The following ESF1 variants were observed in gnomAD, a reference collection of about 807,000 sequenced individuals.
ESF1 encodes the protein ESF1 homolog.
A neutral mutation model predicts 92.0 loss-of-function variants in ESF1; 58 were observed. That is an observed-to-expected ratio of 0.63 (90% CI 0.51 to 0.78). The LOEUF is 0.78. Among genes scored for constraint, ESF1 ranks in the 30% least tolerant of loss-of-function variants. The probability of loss-of-function intolerance (pLI) is 0.00; values close to 1 mark genes in which losing one functional copy is unlikely to be tolerated. For synonymous variants in ESF1, 321 were observed against 313.7 expected, an observed-to-expected ratio of 1.02 and a Z score of -0.24; for missense variants, 922 against 989.1, an observed-to-expected ratio of 0.93 and a Z score of 0.91.
Position 13,776,131 on chromosome 20 carries a change from A to G in ESF1, c.777T>C (p.Ile259=). The G allele has an allele frequency of 6.2e-7, 1 of 1,613,878 alleles. No individual in the cohort carries two copies. The highest frequency in any genetic ancestry group is 1.1e-5 in the South Asian group (1 of 91,070). The part of the protein sequence containing the change: ...IGSDEESENE[I]TSVGRASGDD... ...CACCTGAAGCTCTACCAACACTTGTAATTTCATTTTCAGATTCCTCATCAC... is the reference window on the plus strand; with the variant it reads ...CACCTGAAGCTCTACCAACACTTGTGATTTCATTTTCAGATTCCTCATCAC... Residue 259 remains isoleucine, a synonymous_variant, in exon 3 of 14, where the codon ATT becomes ATC. Transcript: ENST00000617257.
At chr20:13,738,633 T>G (rs183363621) in intron 9 of ESF1, among the ~76,000 whole-genome samples, 160 of 152,254 alleles carry the variant, frequency 1.1e-3, no homozygotes, top group Non-Finnish European at 2.0e-3. Context: ...ACTCTTACAG[T>G]ACTATGGTCT....
chr20:13,755,433 T>C (rs907193904), intron 9 of ESF1, among the ~76,000 whole-genome samples: 1 of 152,202 alleles, frequency 6.6e-6, no homozygotes. Context: ...GGAAGTTATA[T>C]AAAGAGTTAA....
chr20:13,768,928 G>GGGAGAA (rs1466689239), intron 7 of ESF1, among the ~76,000 whole-genome samples: 1 of 149,622 alleles, frequency 6.7e-6, no homozygotes, highest in African/African-American at 2.5e-5. Flanking sequence ...GAAAGGAAAA[G>GGGAGAA]GGAGAAGGTA....
At position 13,782,814 on chromosome 20, in the gene ESF1, A is replaced by AT. The variant is rs1389473727; in HGVS notation, c.326dup (p.Asn109LysfsTer4). ...TGGTTTCTTTCTTTTTCTCAACTAG[A>AT]TTTTTTGAATCGATTTCTTTTTTAG... On this transcript the variant is annotated frameshift_variant, in exon 2 of 14. Transcript: ENST00000617257. LOFTEE classifies it high-confidence loss of function. 20 of 1,603,494 alleles carry AT rather than the reference A, an allele frequency of 1.2e-5. No individual in the cohort carries two copies. Among genetic ancestry groups the AT allele is most frequent in the Non-Finnish European group, 1.6e-5 (19 of 1,177,802 alleles).
At position 13,759,868 on chromosome 20, in the gene ESF1, A is replaced by G. The variant is rs1458832667; in HGVS notation, c.1667-15T>C. ...TCCATCATCACCTAATGAAAAAAAAATTCACTTAATACACAGAAACAATTC... is the reference window on the plus strand; with the variant it reads ...TCCATCATCACCTAATGAAAAAAAAGTTCACTTAATACACAGAAACAATTC... On this transcript the variant is annotated splice_polypyrimidine_tract_variant and intron_variant, in intron 8 of 13. Coordinates refer to ENST00000617257, the MANE Select transcript of ESF1 (RefSeq NM_001276380.2). The G allele has an allele frequency of 6.3e-7, 1 of 1,576,724 alleles. No individual in the cohort carries two copies. Among genetic ancestry groups the G allele is most frequent in the Admixed American group, 2.0e-5 (1 of 51,212 alleles).
At chr20:13,749,514 T>C (rs892195822) in intron 9 of ESF1, among the ~76,000 whole-genome samples, 1 of 152,130 alleles carries the variant, frequency 6.6e-6, no homozygotes, top group Non-Finnish European at 1.5e-5. Flanking sequence ...ATTTTACAGA[T>C]AAAAGTTTTC....
intron 13 of ESF1, among the ~76,000 whole-genome samples, chr20:13,716,804 A>ATATTTTTTTTTT: frequency 2.2e-5 from 1 of 45,918 alleles, no homozygotes. Context: ...CTATACCTGG[A>ATATTTTTTTTTT]TTTTTTTTTT....
At chr20:13,761,295 G>C (rs949733330) in intron 8 of ESF1, among the ~76,000 whole-genome samples, 1 of 151,106 alleles carries the variant, frequency 6.6e-6, no homozygotes, top group Non-Finnish European at 1.5e-5. Flanking sequence ...TTGTTCACTT[G>C]TTTATCTGCT....
chr20:13,775,870 T>C lies in ESF1; in HGVS notation c.1035+3A>G. ...AAATAATCTTGTTTATTCAAAAGGT[T>C]ACCTCATCAGCACGAGGAGCATCTT... On this transcript the variant is annotated splice_donor_region_variant and intron_variant, in intron 3 of 13. Transcript: ENST00000617257. 1 of 1,591,788 alleles carries C rather than the reference T, an allele frequency of 6.3e-7. No individual in the cohort carries two copies. Among genetic ancestry groups the C allele is most frequent in the Non-Finnish European group, 8.5e-7 (1 of 1,170,266 alleles).
chr20:13,730,112 G>C (rs2049931049), intron 10 of ESF1, among the ~76,000 whole-genome samples: 1 of 151,440 alleles, frequency 6.6e-6, no homozygotes, highest in African/African-American at 2.4e-5. Flanking sequence ...TGCTCTTGTT[G>C]CCCAGGCTGG....
chr20:13,760,710 C>T (rs1442076802), intron 8 of ESF1, among the ~76,000 whole-genome samples: 2 of 148,932 alleles, frequency 1.3e-5, no homozygotes, highest in Admixed American at 6.6e-5. Flanking sequence ...GGGAGGGAGG[C>T]GGGGGGTCAG....
At chr20:13,747,982 T>C (rs1480197211) in intron 9 of ESF1, among the ~76,000 whole-genome samples, 1 of 152,196 alleles carries the variant, frequency 6.6e-6, no homozygotes, top group Non-Finnish European at 1.5e-5. Flanking sequence ...TAGTAGTATT[T>C]GTGTATCTAA....
At chr20:13,738,850 G>A (rs2049993037) in intron 9 of ESF1, among the ~76,000 whole-genome samples, 1 of 152,032 alleles carries the variant, frequency 6.6e-6, no homozygotes. Flanking sequence ...GAATAAAGAA[G>A]CAAATAAAAG....
chr20:13,771,918 T>A (rs1233703690), intron 5 of ESF1, among the ~76,000 whole-genome samples: 1 of 151,122 alleles, frequency 6.6e-6, no homozygotes, highest in African/African-American at 2.4e-5. Context: ...CATTCTTTTT[T>A]TTTTTTTTTT....
At chr20:13,764,931 C>CA (rs1450367080) in intron 8 of ESF1, among the ~76,000 whole-genome samples, 3 of 143,186 alleles carry the variant, frequency 2.1e-5, no homozygotes, top group Non-Finnish European at 4.5e-5. Context: ...AAAAAAAAAA[C>CA]AAAAACAAAG....
chr20:13,751,755 G>A (rs1417538982), intron 9 of ESF1, among the ~76,000 whole-genome samples: 2 of 152,216 alleles, frequency 1.3e-5, no homozygotes, highest in African/African-American at 2.4e-5. Flanking sequence ...TGTAATCCCA[G>A]CACTTTGGGA....
chr20:13,766,729 C>T, intron 8 of ESF1, 48 bp downstream of exon 8: 1 of 1,588,894 alleles, frequency 6.3e-7, no homozygotes, highest in Non-Finnish European at 8.6e-7. Flanking sequence ...TGTAAAGCTA[C>T]TGCCAAAGAC....
At chr20:13,765,279 C>T (rs990702574) in intron 8 of ESF1, among the ~76,000 whole-genome samples, 1 of 152,108 alleles carries the variant, frequency 6.6e-6, no homozygotes, top group African/African-American at 2.4e-5. Context: ...TTCTTAACAG[C>T]AAGCTAGGTA....
At chr20:13,731,099 C>T (rs1568711657) in intron 10 of ESF1, among the ~76,000 whole-genome samples, 1 of 152,026 alleles carries the variant, frequency 6.6e-6, no homozygotes, top group Non-Finnish European at 1.5e-5. Context: ...CCAGACTTAG[C>T]CCAAATGAAT....
Sources: allele counts gnomAD v4.1 joint callset (sites outside exome capture counted in the v4.1 genomes callset), GRCh38; gene constraint gnomAD v4.1.1; transcripts MANE v1.5; gene names NCBI Gene and HGNC (gene_info 2026-07-23, HGNC 2026-07-21).